The following SDK1 variants were observed in gnomAD, a reference collection of about 807,000 sequenced individuals.
The protein encoded by SDK1 is sidekick cell adhesion molecule 1, also known as protein sidekick-1.
SDK1 carries 157 observed loss-of-function variants against 245.5 expected under a neutral mutation model. The observed-to-expected ratio is 0.64, with a 90% CI of 0.56 to 0.73. The LOEUF (loss-of-function observed/expected upper bound fraction) is 0.73. Ranked by LOEUF, SDK1 falls within the 30% of genes least tolerant of loss-of-function variation. The probability of loss-of-function intolerance (pLI) is 0.00; values close to 1 mark genes in which losing one functional copy is unlikely to be tolerated. For synonymous variants in SDK1, 1,647 were observed against 1,278.5 expected, an observed-to-expected ratio of 1.29 and a Z score of -6.15; for missense variants, 3,583 against 3,002.3, an observed-to-expected ratio of 1.19 and a Z score of -4.52.
intron 3 of SDK1, among the ~76,000 whole-genome samples, chr7:3,640,191 T>C (rs1225328723): frequency 1.3e-5 from 2 of 152,240 alleles, no homozygotes; most frequent in East Asian, 3.8e-4. Context: ...AAAATTTCTC[T>C]TTGTTTAAAA....
intron 4 of SDK1, among the ~76,000 whole-genome samples, chr7:3,741,782 A>G (rs1196443602): frequency 1.3e-5 from 2 of 152,186 alleles, no homozygotes; most frequent in Non-Finnish European, 2.9e-5. Context: ...AAGAACAAGT[A>G]GTAAATGACT....
chr7:3,761,763 C>G (rs1189032317), intron 4 of SDK1, among the ~76,000 whole-genome samples: 1 of 151,970 alleles, frequency 6.6e-6, no homozygotes, highest in Non-Finnish European at 1.5e-5. Flanking sequence ...GTTATGAAAT[C>G]ATGCAGGACA....
intron 4 of SDK1, among the ~76,000 whole-genome samples, chr7:3,679,516 G>A (rs1314286153): frequency 6.6e-6 from 1 of 151,884 alleles, no homozygotes; most frequent in Non-Finnish European, 1.5e-5. Flanking sequence ...GCAGTGAGCC[G>A]AGATCGTGCC....
At chr7:3,972,552 A>C (rs1278032723) in intron 12 of SDK1, among the ~76,000 whole-genome samples, 3 of 152,208 alleles carry the variant, frequency 2.0e-5, no homozygotes, top group Non-Finnish European at 4.4e-5. Flanking sequence ...TTTTGGAATC[A>C]GCCTTGAAAA....
At chr7:3,371,714 G>A (rs1488134876) in intron 1 of SDK1, among the ~76,000 whole-genome samples, 1 of 152,134 alleles carries the variant, frequency 6.6e-6, no homozygotes, top group Non-Finnish European at 1.5e-5. Flanking sequence ...GGGTAAATAC[G>A]AAAGGTAGAC....
intron 17 of SDK1, among the ~76,000 whole-genome samples, chr7:4,018,646 A>C (rs2128152770): frequency 6.6e-6 from 1 of 152,326 alleles, no homozygotes; most frequent in Non-Finnish European, 1.5e-5. Flanking sequence ...ATTAACTGTG[A>C]CTGTTTCATT....
chr7:4,150,489 C>A (rs1304969162), intron 30 of SDK1, among the ~76,000 whole-genome samples: 1 of 152,194 alleles, frequency 6.6e-6, no homozygotes, highest in Non-Finnish European at 1.5e-5. Context: ...CTGCAGTCAC[C>A]CAGTAAGGGG....
chr7:4,041,971 G>A lies in SDK1; in HGVS notation c.2603-7377G>A, dbSNP rs186985286. 8.9e-5 allele frequency among the ~76,000 whole-genome samples: 12 copies of A among 134,690 alleles called. 2 individuals carry two copies. Among genetic ancestry groups the A allele is most frequent in the Non-Finnish European group, 1.7e-4 (11 of 65,544 alleles). 88.4% of individuals were successfully genotyped at this position (134,690 alleles called of 152,430 possible). A position where few individuals can be genotyped will look rare whatever the true frequency, so the allele number is the denominator to read the frequency against. On this transcript the variant is annotated intron_variant, in intron 17 of 44. Transcript: ENST00000404826. ...TGGGACTACAGGCCCGCGCCACCAC[G>A]CCCAGCTAATTTTTGTGTTTTTAGT...
chr7:3,492,001 G>C (rs779787056), intron 1 of SDK1, among the ~76,000 whole-genome samples: 1 of 152,092 alleles, frequency 6.6e-6, no homozygotes, highest in Non-Finnish European at 1.5e-5. Context: ...AACACATTAC[G>C]TTTTCTTCCA....
intron 5 of SDK1, among the ~76,000 whole-genome samples, chr7:3,888,454 T>C (rs139579278): frequency 3.9e-4 from 60 of 152,326 alleles, no homozygotes; most frequent in African/African-American, 1.4e-3. Flanking sequence ...ACAGAGTGGA[T>C]TCACAGAGGC....
chr7:4,091,997 C>T (rs1459690147), intron 22 of SDK1, among the ~76,000 whole-genome samples: 2 of 152,098 alleles, frequency 1.3e-5, no homozygotes, highest in Non-Finnish European at 2.9e-5. Flanking sequence ...AAGCAGCGAG[C>T]AGAACAAAAC....
rs936277400 is a variant in SDK1 at position 4,077,244 on chromosome 7, G to T, written c.3202+55G>T. On this transcript the variant is annotated intron_variant, in intron 21 of 44. Coordinates refer to ENST00000404826, the MANE Select transcript of SDK1 (RefSeq NM_152744.4). ...TGTCACCTTTCTCTTGGAGATTCCC[G>T]AGGCTAGAAGTTGATTGGCACTTTG... is the stretch of plus-strand genomic sequence containing the variant. The T allele has an allele frequency of 2.6e-6, 4 of 1,538,252 alleles. No individual in the cohort carries two copies. In the Admixed American group the frequency reaches 5.5e-5, roughly 21 times the overall value.
intron 1 of SDK1, among the ~76,000 whole-genome samples, chr7:3,498,373 T>A (rs1218772603): frequency 6.6e-6 from 1 of 152,190 alleles, no homozygotes; most frequent in African/African-American, 2.4e-5. Flanking sequence ...TTACCAGCCT[T>A]CTAGACGTGA....
rs529954312 is a variant in SDK1, at chr7:3,542,363, G to A, written c.299-76717G>A. On this transcript the variant is annotated intron_variant, in intron 1 of 44. Transcript: ENST00000404826. ...CATTTCAGAAGGGTCCTTTCAGCCT[G>A]TGCCTTGTAGCGATTTGGGGCATGA... 9.8e-5 allele frequency among the ~76,000 whole-genome samples: 15 copies of A among 152,320 alleles called. No individual in the cohort carries two copies. The South Asian group carries it at 1.2e-3, about 13-fold the overall frequency.
Position 4,114,271 on chromosome 7 carries a change from T to A in SDK1, c.3820T>A (p.Ser1274Thr). 3 of 1,598,128 alleles carry A rather than the reference T, an allele frequency of 1.9e-6. No individual in the cohort carries two copies. Among genetic ancestry groups the A allele is most frequent in the Non-Finnish European group, 2.6e-6 (3 of 1,173,528 alleles). Reference sequence around the variant, plus strand: ...GGTGGTGCGGGGCCGGACGCGGGAGTCAGGTGAGGGGAAGGCGATTCCCAT... The same window carrying A: ...GGTGGTGCGGGGCCGGACGCGGGAGACAGGTGAGGGGAAGGCGATTCCCAT... ...SEVVRGRTRESVPSAAPENVS... is the reference protein window; with the variant it reads ...SEVVRGRTRETVPSAAPENVS... The change falls in exon 25 of 45, where the codon TCA becomes ACA. Residue 1274 changes from serine to threonine, a missense_variant. Transcript: ENST00000404826.
intron 4 of SDK1, among the ~76,000 whole-genome samples, chr7:3,770,649 G>A (rs975566633): frequency 6.6e-6 from 1 of 152,100 alleles, no homozygotes; most frequent in African/African-American, 2.4e-5. Flanking sequence ...CTGCCCAGCT[G>A]CCTTGTGTGT....
intron 1 of SDK1, among the ~76,000 whole-genome samples, chr7:3,427,958 T>C (rs185814947): frequency 1.3e-5 from 2 of 152,206 alleles, no homozygotes; most frequent in African/African-American, 4.8e-5. Context: ...CTAAACGTCG[T>C]TTATGTTTGA....
chr7:3,591,544 A>C (rs1780875812), intron 1 of SDK1, among the ~76,000 whole-genome samples: 1 of 152,268 alleles, frequency 6.6e-6, no homozygotes, highest in Admixed American at 6.5e-5. Flanking sequence ...ACATTCAGAA[A>C]AACAAATTGC....
intron 4 of SDK1, among the ~76,000 whole-genome samples, chr7:3,719,945 C>G (rs1308762294): frequency 6.6e-6 from 1 of 151,344 alleles, no homozygotes; most frequent in East Asian, 1.9e-4. Flanking sequence ...CCACTGCACC[C>G]CAGTCTGGTG....
Sources: allele counts gnomAD v4.1 joint callset (sites outside exome capture counted in the v4.1 genomes callset), GRCh38; gene constraint gnomAD v4.1.1; transcripts MANE v1.5; gene names NCBI Gene and HGNC (gene_info 2026-07-23, HGNC 2026-07-21).